Variants in SRCIN1 observed in about 807,000 individuals in gnomAD.
The protein encoded by SRCIN1 is SRC kinase signaling inhibitor 1, also known as P130Cas-associated protein.
In SRCIN1, 50 loss-of-function variants were observed where a neutral mutation model predicts 116.2. The ratio of observed to expected loss-of-function variants is 0.43; its 90% CI spans 0.34 to 0.54. SRCIN1 has a LOEUF of 0.54. Among genes scored for constraint, SRCIN1 ranks in the 20% least tolerant of loss-of-function variants. The pLI is 0.02. For missense variants in SRCIN1, 1,446 were observed against 1,672.0 expected (o/e 0.86, Z 2.36); for synonymous variants, 736 against 750.0 (o/e 0.98, Z 0.30).
intron 15 of SRCIN1, 117 bp from the exon 16 acceptor site, chr17:38,549,327 G>T (rs1287217405): frequency 2.8e-6 from 3 of 1,059,832 alleles, no homozygotes; most frequent in African/African-American, 3.3e-5. Context: ...AGGAGGAGGT[G>T]AGAGGAAAGC....
intron 7 of SRCIN1, among the ~76,000 whole-genome samples, chr17:38,560,630 G>A (rs952338154): frequency 6.6e-6 from 1 of 152,080 alleles, no homozygotes; most frequent in East Asian, 1.9e-4. Flanking sequence ...AAGGCTGCAC[G>A]CTGATCTCTC....
intron 1 of SRCIN1, among the ~76,000 whole-genome samples, chr17:38,586,012 T>A (rs1328103904): frequency 6.6e-6 from 1 of 151,202 alleles, no homozygotes; most frequent in African/African-American, 2.4e-5. Context: ...TTCAGGAGAG[T>A]CTGCCTGGAC....
intron 18 of SRCIN1, among the ~76,000 whole-genome samples, chr17:38,540,770 T>TGA (rs1555604853): frequency 4.1e-5 from 6 of 144,976 alleles, no homozygotes; most frequent in African/African-American, 1.6e-4. Context: ...TGTGTGTGTG[T>TGA]GTGACACACA....
At chr17:38,576,176 T>C (rs1204272597) in intron 2 of SRCIN1, among the ~76,000 whole-genome samples, 1 of 152,098 alleles carries the variant, frequency 6.6e-6, no homozygotes, top group Non-Finnish European at 1.5e-5. Flanking sequence ...TTCATCCTTT[T>C]CCTGGCCCAA....
intron 17 of SRCIN1, chr17:38,546,400 CA>C (rs1434193496): frequency 6.6e-6 from 1 of 152,324 alleles, no homozygotes; most frequent in Admixed American, 6.5e-5. Context: ...TGGGAGGGGG[CA>C]GCAGGGACCC....
At chr17:38,591,198 A>G (rs1053899095) in intron 1 of SRCIN1, among the ~76,000 whole-genome samples, 2 of 152,174 alleles carry the variant, frequency 1.3e-5, no homozygotes, top group Non-Finnish European at 1.5e-5. Context: ...GGTCTTAGAT[A>G]CTTCCAGGAA....
At chr17:38,538,687 T>C (rs1285615968) in intron 18 of SRCIN1, among the ~76,000 whole-genome samples, 1 of 152,212 alleles carries the variant, frequency 6.6e-6, no homozygotes, top group Non-Finnish European at 1.5e-5. Context: ...CCTTCATTTT[T>C]TGTTAACGTA....
At chr17:38,574,652 T>C (rs947811767) in intron 2 of SRCIN1, among the ~76,000 whole-genome samples, 1 of 152,216 alleles carries the variant, frequency 6.6e-6, no homozygotes, top group Non-Finnish European at 1.5e-5. Context: ...AAAAAATTCC[T>C]TCTCCAAAGT....
In SRCIN1 at chr17:38,597,159, AG is replaced by A. The variant is rs546903564; in HGVS notation, c.22+8524del. On this transcript the variant is annotated intron_variant, in intron 1 of 18. Coordinates refer to ENST00000617146, the MANE Select transcript of SRCIN1 (RefSeq NM_025248.3). ...CGATTACCTAAAACATCGACATCCC[AG>A]GGAGAAACAGCTGTTGGGACACGGA... Among the ~76,000 whole-genome samples the A allele has an allele frequency of 1.3e-4, 20 of 152,318 alleles. No homozygotes were observed. The South Asian group carries it at 2.7e-3, about 21-fold the overall frequency.
intron 1 of SRCIN1, among the ~76,000 whole-genome samples, chr17:38,583,127 T>C (rs1907912237): frequency 6.6e-6 from 1 of 152,166 alleles, no homozygotes; most frequent in Non-Finnish European, 1.5e-5. Context: ...TGGAGTGCAG[T>C]GGCGCGATTA....
chr17:38,561,677 A>C lies in SRCIN1; in HGVS notation c.1486T>G (p.Ser496Ala), dbSNP rs370408642. ...GGCGAGCCGCGGCTGGGCGGCCCCG[A>C]GTAGGGGCTGTGCGGTGGCGGGGGA... ...GGPPPPHSPY[S>A]GPPSRGSPVR... Residue 496 changes from serine to alanine, a missense_variant, in exon 7 of 19, where the codon TCG becomes GCG. Coordinates refer to ENST00000617146, the MANE Select transcript of SRCIN1 (RefSeq NM_025248.3). The C allele has an allele frequency of 2.1e-5, 32 of 1,560,030 alleles. No homozygotes were observed. The highest frequency in any genetic ancestry group is 1.4e-4 in the East Asian group (6 of 42,228).
rs576022857 is a variant in SRCIN1 at position 38,539,696 on chromosome 17, T to C, written c.3417+4127A>G. ...TGTCCATGGGTACCTCGGCATCCCT[T>C]GTTTTCTCCCTCAATCCTCTGGTGT... On this transcript the variant is annotated intron_variant, in intron 18 of 18. Transcript: ENST00000617146. Among the ~76,000 whole-genome samples, 19 of 152,176 alleles carry C rather than the reference T, an allele frequency of 1.2e-4. No individual in the cohort carries two copies. The East Asian group carries it at 3.7e-3, about 29-fold the overall frequency.
In SRCIN1 at chr17:38,561,858, G is replaced by C. The variant is rs1906276439; in HGVS notation, c.1305C>G (p.Leu435=). The part of the protein sequence containing the change: ...GLYKRGSVRS[L]STYSAAALQS... ...GCAGCGCGGCGGCCGAGTAGGTGCT[G>C]AGCGAGCGCACCGAGCCGCGCTTGT... Residue 435 remains leucine, a synonymous_variant, in exon 7 of 19, where the codon CTC becomes CTG. Coordinates refer to ENST00000617146, the MANE Select transcript of SRCIN1 (RefSeq NM_025248.3). The C allele has an allele frequency of 6.8e-7, 1 of 1,466,954 alleles. No homozygotes were observed. Among genetic ancestry groups the C allele is most frequent in the African/African-American group, 1.5e-5 (1 of 67,028 alleles). 90.9% of individuals were successfully genotyped at this position (1,466,954 alleles called of 1,614,324 possible).
chr17:38,561,465 G>A lies in SRCIN1; in HGVS notation c.1698C>T (p.Thr566=). ...GPPVPAKDTE[T]RERMEAMEKQ... is the part of the protein sequence containing the mutation. ...GAGGCCTGGTTAACGTCCCTCACCT[G>A]GTCTCCGTGTCCTTGGCTGGCACTG... Residue 566 remains threonine, a splice_region_variant and synonymous_variant, in exon 7 of 19, where the codon ACC becomes ACT. Coordinates refer to ENST00000617146, the MANE Select transcript of SRCIN1 (RefSeq NM_025248.3). 6.3e-7 allele frequency: 1 copy of A among 1,581,934 alleles called. No individual in the cohort carries two copies. Among genetic ancestry groups the A allele is most frequent in the Admixed American group, 1.7e-5 (1 of 58,278 alleles).
intron 11 of SRCIN1, among the ~76,000 whole-genome samples, chr17:38,554,777 A>C (rs1180333657): frequency 6.6e-6 from 1 of 152,196 alleles, no homozygotes; most frequent in Non-Finnish European, 1.5e-5. Context: ...TCAGTTCTGT[A>C]CTTGAGTCGC....
At chr17:38,533,530 C>A in intron 18 of SRCIN1, 99 bp from the exon 19 acceptor site, 1 of 978,390 alleles carries the variant, frequency 1.0e-6, no homozygotes, top group Non-Finnish European at 1.4e-6. Context: ...TCCACAAATC[C>A]AAGGAAATTA....
At chr17:38,538,400 G>A (rs1305329686) in intron 18 of SRCIN1, among the ~76,000 whole-genome samples, 1 of 138,136 alleles carries the variant, frequency 7.2e-6, no homozygotes, top group Non-Finnish European at 1.5e-5. Flanking sequence ...CTGGGTGACA[G>A]AGTGAGACTC....
chr17:38,552,229 C>T lies in SRCIN1; in HGVS notation c.2481-97G>A, dbSNP rs1248471993. On this transcript the variant is annotated intron_variant, in intron 13 of 18. Coordinates refer to ENST00000617146, the MANE Select transcript of SRCIN1 (RefSeq NM_025248.3). The surrounding 1 kb of genome is among the most constrained non-coding windows in gnomAD (Gnocchi z 5.3). ...AGGGAGGTGGGGTGGGAGGCAGGCT[C>T]TGGGATGCTGTGGGAGGGCCTGGGG... 1.3e-6 allele frequency: 2 copies of T among 1,523,790 alleles called. No homozygotes were observed. Among genetic ancestry groups the T allele is most frequent in the Non-Finnish European group, 1.8e-6 (2 of 1,131,012 alleles). The allele number at this position is 1,523,790 out of a possible 1,614,324, so 94.4% of individuals were successfully genotyped here. A position where few individuals can be genotyped will look rare whatever the true frequency, so the allele number is the denominator to read the frequency against.
At chr17:38,586,628 C>T (rs902071595) in intron 1 of SRCIN1, among the ~76,000 whole-genome samples, 3 of 152,184 alleles carry the variant, frequency 2.0e-5, no homozygotes, top group African/African-American at 7.2e-5. Context: ...ATACTGCCAC[C>T]CCCTTCCCAA....
Sources: allele counts gnomAD v4.1 joint callset (sites outside exome capture counted in the v4.1 genomes callset), GRCh38; gene constraint gnomAD v4.1.1; non-coding constraint Gnocchi (gnomAD v3.1); transcripts MANE v1.5; gene names NCBI Gene and HGNC (gene_info 2026-07-23, HGNC 2026-07-21).